The following CIITA variants were observed in gnomAD, a reference collection of about 807,000 sequenced individuals.
CIITA encodes class II major histocompatibility complex transactivator.
CIITA carries 72 observed loss-of-function variants against 115.1 expected under a neutral mutation model. The ratio of observed to expected loss-of-function variants is 0.63; its 90% confidence interval spans 0.52 to 0.76. The LOEUF (loss-of-function observed/expected upper bound fraction) is 0.76, where lower values mean the gene tolerates loss of function less well. Ranked by LOEUF, CIITA falls within the 30% of genes least tolerant of loss-of-function variation. CIITA has a pLI of 0.00. For missense variants in CIITA, 1,617 were observed against 1,463.8 expected, an observed-to-expected ratio of 1.10 and a Z score of -1.71; for synonymous variants, 763 against 635.6, an observed-to-expected ratio of 1.20 and a Z score of -3.02.
intron 1 of CIITA, among the ~76,000 whole-genome samples, chr16:10,884,965 C>T (rs1190668809): frequency 2.6e-5 from 4 of 152,114 alleles, no homozygotes; most frequent in Non-Finnish European, 5.9e-5. Context: ...CCCTCCCAAG[C>T]CATTATCTTG....
chr16:10,908,221 T>C, intron 11 of CIITA, 72 bp downstream of exon 11: 2 of 1,514,754 alleles, frequency 1.3e-6, no homozygotes, highest in African/African-American at 1.4e-5. Context: ...CCAAGCCCAG[T>C]GCTCTGTGGG....
At chr16:10,885,464 A>G (rs2036849859) in intron 1 of CIITA, among the ~76,000 whole-genome samples, 1 of 152,154 alleles carries the variant, frequency 6.6e-6, no homozygotes, top group Admixed American at 6.5e-5. Context: ...GTGTTGCTAC[A>G]TGCCTTAGTT....
chr16:10,883,803 G>A (rs1163356564), intron 1 of CIITA, among the ~76,000 whole-genome samples: 1 of 152,174 alleles, frequency 6.6e-6, no homozygotes, highest in Non-Finnish European at 1.5e-5. Context: ...GAAGCAGCAG[G>A]AGTTGAGGTG....
At chr16:10,903,065 C>T (rs977944218) in intron 8 of CIITA, among the ~76,000 whole-genome samples, 1 of 152,168 alleles carries the variant, frequency 6.6e-6, no homozygotes, top group Non-Finnish European at 1.5e-5. Flanking sequence ...TTAGTTTTTC[C>T]TTATTTTTTT....
upstream of CIITA, among the ~76,000 whole-genome samples, chr16:10,874,977 TC>T (rs1206183457): frequency 6.6e-6 from 1 of 152,100 alleles, no homozygotes; most frequent in Non-Finnish European, 1.5e-5. Context: ...TCTTTTTTTT[TC>T]TTTTTTTTGA....
chr16:10,942,361 G>A lies in CIITA; in HGVS notation n.1487G>A, dbSNP rs529197150. The stretch of plus-strand genomic sequence containing the variant: ...CGGCTCAGTGTCTAGGGCCGGTCCC[G>A]GCAGCCTTCTCTCCCGCCCCGCCCC... On this transcript the variant is annotated non_coding_transcript_exon_variant, in exon 2 of 2. Coordinates refer to the CIITA transcript ENST00000573379. The surrounding 1 kb of genome is among the most constrained non-coding windows in gnomAD (Gnocchi z 5.0). 10 of 189,152 alleles carry A rather than the reference G, an allele frequency of 5.3e-5. No homozygotes were observed. The South Asian group carries it at 7.7e-4, about 15-fold the overall frequency. 11.7% of individuals were successfully genotyped at this position (189,152 alleles called of 1,614,324 possible).
chr16:10,883,436 G>A (rs2036619239), intron 1 of CIITA, among the ~76,000 whole-genome samples: 1 of 152,164 alleles, frequency 6.6e-6, no homozygotes, highest in Admixed American at 6.5e-5. Flanking sequence ...TTCTCATCCT[G>A]GGACCACCAG....
chr16:10,899,075 G>T, intron 5 of CIITA, 73 bp downstream of exon 5: 3 of 1,453,558 alleles, frequency 2.1e-6, no homozygotes, highest in Non-Finnish European at 2.9e-6. Flanking sequence ...AAAGCCTGCT[G>T]TGGGTCCAAC....
chr16:10,878,122 C>A (rs953905539), intron 1 of CIITA, among the ~76,000 whole-genome samples: 6 of 152,102 alleles, frequency 3.9e-5, no homozygotes, highest in Non-Finnish European at 7.4e-5. Context: ...TTTATAGGAA[C>A]TGGAATTGAG....
At chr16:10,897,732 G>C (rs1226506653) in intron 3 of CIITA, among the ~76,000 whole-genome samples, 2 of 152,158 alleles carry the variant, frequency 1.3e-5, no homozygotes, top group Non-Finnish European at 2.9e-5. Flanking sequence ...ATTTAGAAAA[G>C]GAATTTGCAC....
rs560173139 is a variant in CIITA, at chr16:10,926,332, C to T, written c.*2477C>T. The T allele has an allele frequency of 1.3e-5, 2 of 152,362 alleles. No homozygotes were observed. The highest frequency in any genetic ancestry group is 1.9e-4 in the East Asian group (1 of 5,182). 9.4% of individuals were successfully genotyped at this position (152,362 alleles called of 1,614,324 possible). A position where few individuals can be genotyped will look rare whatever the true frequency, so the allele number is the denominator to read the frequency against. ...GCTCAGGTGTCACCCTGCAAGGGAT[C>T]CCTGCACTTGCAGACTCTACAGAGG... On this transcript the variant is annotated 3_prime_UTR_variant, in exon 20 of 20. Coordinates refer to ENST00000324288, the MANE Select transcript of CIITA (RefSeq NM_000246.4).
In CIITA at chr16:10,902,123, G is replaced by A. The variant is rs143123121; in HGVS notation, c.567G>A (p.Ala189=). ...CCCTGCCCTGCCTGCCACTGCCTGC[G>A]CTGTTCAACCAGGAGCCAGCCTCCG... ...CSTLPCLPLP[A]LFNQEPASGQ... The change falls in exon 7 of 20, where the codon GCG becomes GCA. Residue 189 remains alanine (A), a synonymous_variant. Transcript: ENST00000324288. The A allele has an allele frequency of 1.1e-4, 182 of 1,614,068 alleles. No individual in the cohort carries two copies. The highest frequency in any genetic ancestry group is 5.6e-4 in the East Asian group (25 of 44,896).
At chr16:10,905,326 C>T (rs1466522130) in intron 10 of CIITA, among the ~76,000 whole-genome samples, 1 of 152,210 alleles carries the variant, frequency 6.6e-6, no homozygotes, top group Admixed American at 6.5e-5. Flanking sequence ...CTCAGAATTG[C>T]TCCAGCAAGT....
intron 1 of CIITA, among the ~76,000 whole-genome samples, chr16:10,871,946 A>G (rs371962430): frequency 3.5e-4 from 53 of 152,244 alleles, no homozygotes; most frequent in African/African-American, 1.3e-3. Context: ...TTCTCCAACC[A>G]GTCACGGTTT....
chr16:10,936,441 T>C (rs1009729533), downstream of CIITA: 4 of 152,170 alleles, frequency 2.6e-5, no homozygotes, highest in African/African-American at 9.7e-5. Flanking sequence ...ATTACACATA[T>C]ACACATGTGT....
chr16:10,867,403 C>T lies in CIITA; in HGVS notation c.-21+1084C>T, dbSNP rs545142581. On this transcript the variant is annotated intron_variant, in intron 1 of 5. Transcript: ENST00000636238. Reference sequence around the variant, plus strand: ...CTGTGTGACACACAGAGACAGAAACCGAAAGACAGAGGGAGAGCGAGAAAG... The same window carrying T: ...CTGTGTGACACACAGAGACAGAAACTGAAAGACAGAGGGAGAGCGAGAAAG... Among the ~76,000 whole-genome samples, 8 of 150,084 alleles carry T rather than the reference C, an allele frequency of 5.3e-5. No homozygotes were observed. The South Asian group carries it at 8.5e-4, about 16-fold the overall frequency.
Position 10,902,619 on chromosome 16 carries a change from C to G in CIITA, c.629-39C>G, listed in dbSNP as rs200418706. On this transcript the variant is annotated intron_variant, in intron 7 of 19. Transcript: ENST00000324288. ...AAAAGCAGAATCGCAAACACAGGTG[C>G]TATGCAAGATCCCACCTCACTGCCT... 3 of 1,613,012 alleles carry G rather than the reference C, an allele frequency of 1.9e-6. No individual in the cohort carries two copies. In the East Asian group the frequency reaches 6.7e-5, roughly 36 times the overall value.
At chr16:10,887,740 C>T (rs2037106510) in intron 1 of CIITA, among the ~76,000 whole-genome samples, 1 of 152,162 alleles carries the variant, frequency 6.6e-6, no homozygotes, top group African/African-American at 2.4e-5. Context: ...AGTAATCCGC[C>T]AGCCTCGGCC....
chr16:10,923,191 C>T lies in CIITA; in HGVS notation c.3318-37C>T. 6.2e-7 allele frequency: 1 copy of T among 1,601,884 alleles called. No individual in the cohort carries two copies. Among genetic ancestry groups the T allele is most frequent in the Admixed American group, 1.7e-5 (1 of 60,014 alleles). Reference sequence around the variant, plus strand: ...ACTGGGGCCCCAGGCCGCCCTCTCTCCTCTAACCTGGCTCTGAGTCCCATC... The same window carrying T: ...ACTGGGGCCCCAGGCCGCCCTCTCTTCTCTAACCTGGCTCTGAGTCCCATC... On this transcript the variant is annotated intron_variant, in intron 18 of 19. Coordinates refer to ENST00000324288, the MANE Select transcript of CIITA (RefSeq NM_000246.4). This position sits in a 1 kb window ranked among gnomAD's most constrained non-coding sequence, Gnocchi z 5.2.
Sources: gnomAD v4.1 joint callset for allele counts (sites outside exome capture counted in the v4.1 genomes callset) on GRCh38, gnomAD v4.1.1 for gene constraint, Gnocchi (gnomAD v3.1) non-coding constraint, MANE v1.5 for transcripts, NCBI Gene and HGNC (gene_info 2026-07-23, HGNC 2026-07-21) for gene names.